MAGI2: variants seen among roughly 807,000 people sequenced by gnomAD.
MAGI2 encodes membrane-associated guanylate kinase, WW and PDZ domain-containing protein 2.
Under a neutral mutation model 133.3 loss-of-function variants are expected in MAGI2, and 35 were observed. The observed-to-expected ratio is 0.26, with a 90% CI of 0.20 to 0.35. The LOEUF is 0.35. Ranked by LOEUF, MAGI2 falls within the 10% of genes least tolerant of loss-of-function variation. MAGI2 has a pLI of 1.00. For synonymous variants in MAGI2, 729 were observed against 710.6 expected, an observed-to-expected ratio of 1.03 and a Z score of -0.41; for missense variants, 1,636 against 1,863.4, an observed-to-expected ratio of 0.88 and a Z score of 2.25.
intron 1 of MAGI2, among the ~76,000 whole-genome samples, chr7:79,205,837 G>A (rs913001145): frequency 3.3e-5 from 5 of 151,322 alleles, no homozygotes; most frequent in Non-Finnish European, 5.9e-5. Context: ...AGATGATTTT[G>A]TAAGCTTCAT....
chr7:78,960,223 G>A (rs537425155), intron 2 of MAGI2, among the ~76,000 whole-genome samples: 44 of 152,186 alleles, frequency 2.9e-4, no homozygotes, highest in African/African-American at 1.1e-3. Flanking sequence ...AGGGATGGCA[G>A]CACACAAACA....
chr7:78,985,198 T>A (rs1232647561), intron 2 of MAGI2, among the ~76,000 whole-genome samples: 1 of 151,998 alleles, frequency 6.6e-6, no homozygotes, highest in Non-Finnish European at 1.5e-5. Flanking sequence ...AAGTCAATAC[T>A]TTTGTAAATG....
chr7:78,973,548 CT>C (rs1240966857), intron 2 of MAGI2, among the ~76,000 whole-genome samples: 119 of 144,666 alleles, frequency 8.2e-4, no homozygotes, highest in Middle Eastern at 3.6e-3. Context: ...CTGCAAGAGA[CT>C]TTTTTTTTTT....
At chr7:79,049,519 T>G in intron 1 of MAGI2, among the ~76,000 whole-genome samples, 1 of 152,164 alleles carries the variant, frequency 6.6e-6, no homozygotes, top group Non-Finnish European at 1.5e-5. Context: ...TATTACAGAC[T>G]TGTATCCTAA....
Position 78,019,746 on chromosome 7 carries a change from G to A in MAGI2, c.3937C>T (p.Gln1313Ter). Residue 1313 changes from glutamine to a stop codon, truncating the protein, a stop_gained, in exon 22 of 22, where the codon CAG (glutamine) becomes TAG (stop). Coordinates refer to ENST00000354212, the MANE Select transcript of MAGI2 (RefSeq NM_012301.4). LOFTEE classifies it low-confidence loss of function (END_TRUNC). The part of the protein sequence containing the change: ...CGQKKQRLGE[Q>*]RERSASPQRA... ...TGCGGACTCGCCGAGCGCTCCCTCT[G>A]CTCCCCGAGGCGCTGCTTCTTCTGG... 6.2e-7 allele frequency: 1 copy of A among 1,611,362 alleles called. No homozygotes were observed. Among genetic ancestry groups the A allele is most frequent in the Non-Finnish European group, 8.5e-7 (1 of 1,179,478 alleles).
At chr7:78,187,113 A>C (rs1345757544) in intron 12 of MAGI2, among the ~76,000 whole-genome samples, 1 of 152,204 alleles carries the variant, frequency 6.6e-6, no homozygotes, top group East Asian at 1.9e-4. Flanking sequence ...CTTTAGAATC[A>C]TGTAAGGAAT....
At chr7:79,280,891 C>G (rs1260451710) in intron 1 of MAGI2, among the ~76,000 whole-genome samples, 2 of 115,566 alleles carry the variant, frequency 1.7e-5, no homozygotes, top group East Asian at 2.9e-4. Flanking sequence ...TGCCACCATA[C>G]TCCAGCCTGG....
At chr7:78,328,705 A>G (rs1178631252) in intron 9 of MAGI2, among the ~76,000 whole-genome samples, 1 of 152,166 alleles carries the variant, frequency 6.6e-6, no homozygotes, top group African/African-American at 2.4e-5. Context: ...TTTCATATGA[A>G]ATTTATACCT....
rs868557301 is a variant in MAGI2 at position 78,949,890 on chromosome 7, G to A, written c.418+57200C>T. 3.2e-4 allele frequency among the ~76,000 whole-genome samples: 48 copies of A among 152,244 alleles called. 1 individual carries two copies. In the Middle Eastern group the frequency reaches 0.034, roughly 109 times the overall value. Reference sequence around the variant, plus strand: ...TTTGCATAAGGCCTTGCTCCCCTTCGGCTTCTCCTAGCCAATGCCTGAGCA... The same window carrying A: ...TTTGCATAAGGCCTTGCTCCCCTTCAGCTTCTCCTAGCCAATGCCTGAGCA... On this transcript the variant is annotated intron_variant, in intron 2 of 21. Transcript: ENST00000354212.
chr7:78,148,436 G>T (rs1479876454), intron 16 of MAGI2, among the ~76,000 whole-genome samples: 1 of 152,094 alleles, frequency 6.6e-6, no homozygotes, highest in Non-Finnish European at 1.5e-5. Flanking sequence ...TCAAAACTCA[G>T]AGTATAGACT....
intron 1 of MAGI2, among the ~76,000 whole-genome samples, chr7:79,052,802 T>C (rs1002906005): frequency 6.6e-6 from 1 of 152,168 alleles, no homozygotes; most frequent in African/African-American, 2.4e-5. Flanking sequence ...AATGAAAATA[T>C]AGCACATGAT....
At chr7:78,337,696 T>C (rs1789916406) in intron 9 of MAGI2, among the ~76,000 whole-genome samples, 3 of 152,224 alleles carry the variant, frequency 2.0e-5, no homozygotes, top group Non-Finnish European at 4.4e-5. Context: ...ATAAAGTCAT[T>C]ATAAAAAAGA....
intron 18 of MAGI2, among the ~76,000 whole-genome samples, chr7:78,129,935 C>T (rs1429422677): frequency 1.8e-5 from 1 of 57,142 alleles, no homozygotes. Context: ...AACTCCGCCT[C>T]AAAAAAAAAA....
chr7:79,235,392 C>A (rs1358827181), intron 1 of MAGI2, among the ~76,000 whole-genome samples: 1 of 152,112 alleles, frequency 6.6e-6, no homozygotes, highest in Non-Finnish European at 1.5e-5. Flanking sequence ...CCTCCCCCAG[C>A]CTCGCTGCCG....
chr7:78,745,260 C>T (rs1420827838), intron 2 of MAGI2, among the ~76,000 whole-genome samples: 1 of 152,164 alleles, frequency 6.6e-6, no homozygotes, highest in Non-Finnish European at 1.5e-5. Context: ...ACAATGCCCA[C>T]AGCTGCTAAG....
intron 1 of MAGI2, among the ~76,000 whole-genome samples, chr7:79,228,353 G>GGAAAAAAAAAAAAAAAAAAAAAAAAAAA (rs1831044112): frequency 1.7e-4 from 1 of 5,812 alleles, no homozygotes; most frequent in Non-Finnish European, 6.6e-4. Flanking sequence ...AAAAAAACAG[G>GGAAAAAAAAAAAAAAAAAAAAAAAAAAA]CAAAAAAAAA....
At chr7:78,673,680 C>T (rs1249307530) in intron 2 of MAGI2, among the ~76,000 whole-genome samples, 1 of 151,768 alleles carries the variant, frequency 6.6e-6, no homozygotes. Context: ...GAGACCCACT[C>T]ACATTAGCCT....
chr7:78,922,141 C>CTTTG, intron 2 of MAGI2, among the ~76,000 whole-genome samples: 1 of 134,482 alleles, frequency 7.4e-6, no homozygotes, highest in South Asian at 2.5e-4. Context: ...TTCTTTCTTT[C>CTTTG]TTTCTTTATT....
At position 78,194,868 on chromosome 7, in the gene MAGI2, A is replaced by G; in HGVS notation, c.2269+6T>C. ...TGTACCCTTGTTTCATGTGGCTTTC[A>G]CTTACGCCTACTTTCATAAATGGCC... On this transcript the variant is annotated splice_donor_region_variant and intron_variant, in intron 12 of 21. Transcript: ENST00000354212. The G allele has an allele frequency of 6.3e-7, 1 of 1,593,032 alleles. No homozygotes were observed. Among genetic ancestry groups the G allele is most frequent in the Non-Finnish European group, 8.5e-7 (1 of 1,171,274 alleles).
Sources: gnomAD v4.1 joint callset for allele counts (sites outside exome capture counted in the v4.1 genomes callset) on GRCh38, gnomAD v4.1.1 for gene constraint, MANE v1.5 for transcripts, NCBI Gene and HGNC (gene_info 2026-07-23, HGNC 2026-07-21) for gene names.